PHYHIPL: variants seen among roughly 807,000 people sequenced by gnomAD.
PHYHIPL encodes the protein phytanoyl-CoA 2-hydroxylase interacting protein like, also known as phytanoyl-CoA hydroxylase-interacting protein-like.
PHYHIPL carries 9 observed loss-of-function variants against 33.4 expected under a neutral mutation model. That is an observed-to-expected ratio of 0.27 (90% CI 0.16 to 0.47). The LOEUF (loss-of-function observed/expected upper bound fraction) is 0.47. Ranked by LOEUF, PHYHIPL falls within the 20% of genes least tolerant of loss-of-function variation. The pLI is 0.99. For missense variants in PHYHIPL, 365 were observed against 460.7 expected (o/e 0.79, Z 1.90); for synonymous variants, 153 against 154.1 (o/e 0.99, Z 0.05).
upstream of PHYHIPL, chr10:59,176,459 G>C (rs1838251401): frequency 6.5e-6 from 1 of 154,840 alleles, no homozygotes; most frequent in Non-Finnish European, 1.4e-5. Flanking sequence ...TGGCTGGAGG[G>C]CAGGTGGGGG....
intron 1 of PHYHIPL, among the ~76,000 whole-genome samples, chr10:59,187,253 G>T (rs1254219446): frequency 1.3e-5 from 2 of 151,950 alleles, no homozygotes; most frequent in East Asian, 1.9e-4. Flanking sequence ...TCTGTTTATA[G>T]GCTGGATTAC....
At chr10:59,185,249 C>G (rs1309533188) in intron 1 of PHYHIPL, among the ~76,000 whole-genome samples, 4 of 152,128 alleles carry the variant, frequency 2.6e-5, no homozygotes, top group African/African-American at 9.7e-5. Flanking sequence ...CTCGGCCTCC[C>G]AAAGTGCTGG....
At chr10:59,242,744 C>T (rs894914770) in intron 4 of PHYHIPL, among the ~76,000 whole-genome samples, 5 of 151,980 alleles carry the variant, frequency 3.3e-5, no homozygotes, top group Non-Finnish European at 7.4e-5. Context: ...AACATAAAAA[C>T]ACAGTAAGTA....
At chr10:59,206,684 C>T (rs1206631033) in intron 1 of PHYHIPL, 2 of 587,838 alleles carry the variant, frequency 3.4e-6, no homozygotes, top group Admixed American at 9.1e-5. Flanking sequence ...TATATTGGTA[C>T]ATAAGGGAGA....
Position 59,245,823 on chromosome 10 carries a change from T to TGACA in PHYHIPL, c.*233_*236dup, listed in dbSNP as rs1164840062. On this transcript the variant is annotated 3_prime_UTR_variant, in exon 5 of 5. Transcript: ENST00000373880. ...AATACCCTAAGTTAAGTTCTCCTTT[T>TGACA]GACACTTTATTGCCTAGATGCTGCA... 2 of 490,128 alleles carry TGACA rather than the reference T, an allele frequency of 4.1e-6. No homozygotes were observed. The highest frequency in any genetic ancestry group is 3.9e-5 in the African/African-American group (2 of 51,442). 30.4% of individuals were successfully genotyped at this position (490,128 alleles called of 1,614,324 possible). A position where few individuals can be genotyped will look rare whatever the true frequency, so the allele number is the denominator to read the frequency against.
intron 1 of PHYHIPL, among the ~76,000 whole-genome samples, chr10:59,182,024 C>T (rs772966895): frequency 6.6e-5 from 10 of 152,174 alleles, no homozygotes; most frequent in Non-Finnish European, 1.2e-4. Flanking sequence ...CTAAATTAGG[C>T]CCAATGTTGC....
intron 1 of PHYHIPL, among the ~76,000 whole-genome samples, chr10:59,190,684 T>C (rs1282705773): frequency 6.6e-6 from 1 of 151,902 alleles, no homozygotes; most frequent in African/African-American, 2.4e-5. Context: ...ATTAAAGAGC[T>C]GGATAATCAA....
At chr10:59,232,991 C>A (rs1036567599) in intron 1 of PHYHIPL, among the ~76,000 whole-genome samples, 6 of 151,690 alleles carry the variant, frequency 4.0e-5, no homozygotes, top group East Asian at 1.9e-4. Flanking sequence ...GGATTCTATG[C>A]GACCTGATGG....
At chr10:59,225,630 AG>A (rs1839902775) in intron 1 of PHYHIPL, among the ~76,000 whole-genome samples, 1 of 152,336 alleles carries the variant, frequency 6.6e-6, no homozygotes, top group East Asian at 1.9e-4. Context: ...CCTGATTAGT[AG>A]ATTAACCAAA....
chr10:59,208,309 C>T (rs936719240), intron 1 of PHYHIPL, among the ~76,000 whole-genome samples: 5 of 152,154 alleles, frequency 3.3e-5, no homozygotes, highest in Admixed American at 6.5e-5. Flanking sequence ...CCAGCAAACT[C>T]GAGCAGACCT....
intron 1 of PHYHIPL, among the ~76,000 whole-genome samples, chr10:59,204,410 C>A (rs1461777039): frequency 6.6e-6 from 1 of 152,152 alleles, no homozygotes; most frequent in Non-Finnish European, 1.5e-5. Flanking sequence ...TGTAATGAGT[C>A]TGTGTATGAT....
At chr10:59,214,792 A>G (rs1009926785) in intron 1 of PHYHIPL, among the ~76,000 whole-genome samples, 3 of 152,076 alleles carry the variant, frequency 2.0e-5, no homozygotes, top group African/African-American at 7.2e-5. Flanking sequence ...GATCAACCCA[A>G]TAGGAATTAG....
chr10:59,214,879 T>G (rs1352699586), intron 1 of PHYHIPL, among the ~76,000 whole-genome samples: 1 of 152,014 alleles, frequency 6.6e-6, no homozygotes, highest in Non-Finnish European at 1.5e-5. Flanking sequence ...AAGAAATGGT[T>G]GATTCCAGGT....
At chr10:59,224,455 G>T (rs201844266) in intron 1 of PHYHIPL, among the ~76,000 whole-genome samples, 1 of 39,142 alleles carries the variant, frequency 2.6e-5, no homozygotes, top group South Asian at 8.1e-4. Flanking sequence ...CCTGTCTCAA[G>T]GAAACAAAAC....
At chr10:59,179,767 ATT>A (rs1838349831) in intron 1 of PHYHIPL, among the ~76,000 whole-genome samples, 1 of 125,676 alleles carries the variant, frequency 8.0e-6, no homozygotes, top group South Asian at 3.2e-4. Context: ...TTCTAAAAAT[ATT>A]TAATAGTTTC....
At chr10:59,220,565 A>G (rs1056331721) in intron 1 of PHYHIPL, among the ~76,000 whole-genome samples, 9 of 152,142 alleles carry the variant, frequency 5.9e-5, no homozygotes, top group South Asian at 2.1e-4. Flanking sequence ...TTGAGAAAAA[A>G]GGTGCTAGCC....
intron 1 of PHYHIPL, among the ~76,000 whole-genome samples, chr10:59,202,907 T>C (rs1275995482): frequency 6.6e-6 from 1 of 152,102 alleles, no homozygotes; most frequent in Non-Finnish European, 1.5e-5. Context: ...TTACTTAGGG[T>C]TTAAAACCTA....
chr10:59,220,750 C>A (rs1169146406), intron 1 of PHYHIPL, among the ~76,000 whole-genome samples: 1 of 151,952 alleles, frequency 6.6e-6, no homozygotes, highest in Non-Finnish European at 1.5e-5. Flanking sequence ...TGGTTAGGAA[C>A]CTGTACTTGA....
chr10:59,191,027 T>G (rs16914034), intron 1 of PHYHIPL, among the ~76,000 whole-genome samples: 3,259 of 152,004 alleles, frequency 0.021, 136 homozygotes, highest in African/African-American at 0.074. Flanking sequence ...TTCCTGTGAT[T>G]TTTTATGTTA....
Sources: allele counts gnomAD v4.1 joint callset (sites outside exome capture counted in the v4.1 genomes callset), GRCh38; gene constraint gnomAD v4.1.1; transcripts MANE v1.5; gene names NCBI Gene and HGNC (gene_info 2026-07-23, HGNC 2026-07-21).